COLGALT2: variants seen among roughly 807,000 people sequenced by gnomAD.
COLGALT2 encodes procollagen galactosyltransferase 2.
In COLGALT2, 49 loss-of-function variants were observed where a neutral mutation model predicts 73.4. That is an observed-to-expected ratio of 0.67 (90% CI 0.53 to 0.85). The LOEUF (loss-of-function observed/expected upper bound fraction) is 0.85, where lower values mean the gene tolerates loss of function less well. COLGALT2 is among the 40% of genes least tolerant of loss of function. The probability of loss-of-function intolerance (pLI) is 0.00; values close to 1 mark genes in which losing one functional copy is unlikely to be tolerated. For synonymous variants in COLGALT2, 295 were observed against 307.6 expected (o/e 0.96, Z 0.43); for missense variants, 722 against 790.2 (o/e 0.91, Z 1.03).
intron 1 of COLGALT2, among the ~76,000 whole-genome samples, chr1:184,024,384 A>T (rs1572684564): frequency 6.9e-6 from 1 of 145,282 alleles, no homozygotes; most frequent in African/African-American, 2.6e-5. Flanking sequence ...ACAGAGTGTT[A>T]CTCTGTCGCC....
chr1:184,037,322 C>T lies in COLGALT2; in HGVS notation c.36G>A (p.Ser12=). 2.0e-6 allele frequency: 3 copies of T among 1,508,574 alleles called. 1 individual carries two copies. The highest frequency in any genetic ancestry group is 4.4e-4 in the Middle Eastern group (2 of 4,556). The allele number at this position is 1,508,574 out of a possible 1,614,324, so 93.4% of individuals were successfully genotyped here. A position where few individuals can be genotyped will look rare whatever the true frequency, so the allele number is the denominator to read the frequency against. The change falls in exon 1 of 12, where the codon TCG becomes TCA. Residue 12 remains serine, a synonymous_variant. Transcript: ENST00000361927. ...AARPAATLAW[S]LLLLSSALLR... is the part of the protein sequence containing the mutation. ...GCAGGGCTGAGGAGAGGAGCAGTAGCGACCAGGCGAGGGTGGCAGCAGGGC... is the reference window on the plus strand; with the variant it reads ...GCAGGGCTGAGGAGAGGAGCAGTAGTGACCAGGCGAGGGTGGCAGCAGGGC...
intron 6 of COLGALT2, among the ~76,000 whole-genome samples, chr1:183,958,635 C>T (rs1353726548): frequency 6.6e-6 from 1 of 150,812 alleles, no homozygotes. Context: ...CACCTCAAGT[C>T]CACAAACCAA....
rs1223260344 is a variant in COLGALT2 at position 183,938,213 on chromosome 1, A to ATTTTT, written c.*547_*548insAAAAA. The ATTTTT allele has an allele frequency of 2.2e-5, 14 of 642,304 alleles. 1 individual carries two copies. The Admixed American group carries it at 1.3e-3, about 60-fold the overall frequency. The allele number at this position is 642,304 out of a possible 1,614,324, so 39.8% of individuals were successfully genotyped here. On this transcript the variant is annotated 3_prime_UTR_variant, in exon 12 of 12. Coordinates refer to ENST00000361927, the MANE Select transcript of COLGALT2 (RefSeq NM_015101.4). ...GGGACTAAGATTTTTTTTTTTTAAAAAATCTACTTTTCAATAAGACTTGTG... is the reference window on the plus strand; with the variant it reads ...GGGACTAAGATTTTTTTTTTTTAAAATTTTTAATCTACTTTTCAATAAGACTTGTG...
intron 10 of COLGALT2, among the ~76,000 whole-genome samples, chr1:183,941,694 T>C (rs1226543747): frequency 6.6e-6 from 1 of 152,234 alleles, no homozygotes; most frequent in Non-Finnish European, 1.5e-5. Context: ...AACAAGTCTA[T>C]GTTCAATCTT....
intron 1 of COLGALT2, among the ~76,000 whole-genome samples, chr1:184,008,322 C>T (rs1672137259): frequency 6.6e-6 from 1 of 152,114 alleles, no homozygotes; most frequent in Admixed American, 6.5e-5. Flanking sequence ...ACTAAAGAGA[C>T]AGAATGACTT....
Position 183,971,230 on chromosome 1 carries a change from G to C in COLGALT2, c.628-1757C>G, listed in dbSNP as rs148603159. ...TTTTGAATGAGTTTAAAGGCTCTGG[G>C]AACCAGGTCCTGCTTTGAATTTATG... is the stretch of plus-strand genomic sequence containing the variant. On this transcript the variant is annotated intron_variant, in intron 4 of 11. Transcript: ENST00000361927. Among the ~76,000 whole-genome samples, 828 of 152,276 alleles carry C rather than the reference G, an allele frequency of 5.4e-3. 3 individuals carry two copies. The highest frequency in any genetic ancestry group is 9.7e-3 in the Non-Finnish European group (663 of 68,026).
At chr1:184,003,771 T>C (rs1486238840) in intron 1 of COLGALT2, among the ~76,000 whole-genome samples, 1 of 152,114 alleles carries the variant, frequency 6.6e-6, no homozygotes, top group Non-Finnish European at 1.5e-5. Flanking sequence ...TGTACATACA[T>C]TATTACATTT....
At chr1:183,967,745 G>A (rs1227834547) in intron 5 of COLGALT2, among the ~76,000 whole-genome samples, 1 of 152,208 alleles carries the variant, frequency 6.6e-6, no homozygotes, top group African/African-American at 2.4e-5. Flanking sequence ...GGCACTCAAA[G>A]GACTCAAAAA....
chr1:183,976,746 A>G (rs1671204357), intron 2 of COLGALT2, among the ~76,000 whole-genome samples: 1 of 152,220 alleles, frequency 6.6e-6, no homozygotes, highest in Admixed American at 6.5e-5. Context: ...AAAAAAATAC[A>G]TTAATTGCAT....
Position 183,960,094 on chromosome 1 carries a change from G to A in COLGALT2, c.952+3807C>T, listed in dbSNP as rs573520029. ...ATGCCCAGCATCTTGAACAATCTGC[G>A]GGGTACAGTATGTGTTGAATAAATC... On this transcript the variant is annotated intron_variant, in intron 6 of 11. Transcript: ENST00000361927. 1.6e-3 allele frequency among the ~76,000 whole-genome samples: 237 copies of A among 152,232 alleles called. 1 individual carries two copies. Among genetic ancestry groups the A allele is most frequent in the Non-Finnish European group, 2.7e-3 (181 of 68,012 alleles).
intron 9 of COLGALT2, among the ~76,000 whole-genome samples, chr1:183,945,230 C>T (rs1670216829): frequency 6.6e-6 from 1 of 152,118 alleles, no homozygotes; most frequent in South Asian, 2.1e-4. Flanking sequence ...CCCGTCACCA[C>T]CCCAAGTGGC....
chr1:184,030,291 G>A (rs968285681), intron 1 of COLGALT2, among the ~76,000 whole-genome samples: 2 of 152,064 alleles, frequency 1.3e-5, no homozygotes, highest in African/African-American at 4.8e-5. Flanking sequence ...GAATACATAC[G>A]TTTTGTAATT....
In COLGALT2 at chr1:183,969,369, C is replaced by T. The variant is rs372560078; in HGVS notation, c.732G>A (p.Arg244=). 1.9e-6 allele frequency: 3 copies of T among 1,613,930 alleles called. No homozygotes were observed. The highest frequency in any genetic ancestry group is 2.7e-5 in the African/African-American group (2 of 74,994). The change falls in exon 5 of 12, where the codon AGG becomes AGA. Residue 244 remains arginine (R), a synonymous_variant. Coordinates refer to ENST00000361927, the MANE Select transcript of COLGALT2 (RefSeq NM_015101.4). The part of the protein sequence containing the change: ...MVHSTFLIDL[R]KEASDKLTFY... The stretch of plus-strand genomic sequence containing the variant: ...AAGTCAGCTTGTCCGAGGCCTCCTT[C>T]CTGAGGTCAATTAGGAAGGTGGAGT...
intron 1 of COLGALT2, among the ~76,000 whole-genome samples, chr1:183,998,344 G>C (rs140329611): frequency 1.3e-5 from 2 of 152,056 alleles, no homozygotes; most frequent in Admixed American, 6.6e-5. Context: ...CCATTTTTCT[G>C]TTAGGTTCTT....
intron 8 of COLGALT2, among the ~76,000 whole-genome samples, chr1:183,949,733 T>G (rs1250465876): frequency 1.3e-5 from 2 of 152,182 alleles, no homozygotes; most frequent in African/African-American, 2.4e-5. Flanking sequence ...TAAATTGGAT[T>G]TCATCAAAAT....
intron 9 of COLGALT2, 71 bp from the exon 10 acceptor site, chr1:183,944,394 A>G: frequency 6.5e-7 from 1 of 1,533,904 alleles, no homozygotes. Context: ...ATAAATAAGT[A>G]TTAAAAAGTC....
chr1:184,000,695 G>T (rs566347166), intron 1 of COLGALT2, among the ~76,000 whole-genome samples: 2 of 151,942 alleles, frequency 1.3e-5, no homozygotes, highest in Non-Finnish European at 2.9e-5. Flanking sequence ...ATGGATTTAG[G>T]TGATTCTTTA....
At chr1:184,020,835 C>A (rs1176095615) in intron 1 of COLGALT2, among the ~76,000 whole-genome samples, 1 of 152,132 alleles carries the variant, frequency 6.6e-6, no homozygotes, top group African/African-American at 2.4e-5. Context: ...GCCCTTATGA[C>A]ATTCTTGCTT....
At chr1:183,946,045 T>C (rs545611367) in intron 8 of COLGALT2, 1 of 154,638 alleles carries the variant, frequency 6.5e-6, no homozygotes, top group East Asian at 1.9e-4. Context: ...CAGAAGCCAC[T>C]GGCAGGGACA....
Sources: gnomAD v4.1 joint callset for allele counts (sites outside exome capture counted in the v4.1 genomes callset) on GRCh38, gnomAD v4.1.1 for gene constraint, MANE v1.5 for transcripts, NCBI Gene and HGNC (gene_info 2026-07-23, HGNC 2026-07-21) for gene names.